PLD5: variants seen among roughly 807,000 people sequenced by gnomAD.
PLD5 encodes the protein phospholipase D family member 5.
Under a neutral mutation model 61.1 loss-of-function variants are expected in PLD5, and 36 were observed. That is an observed-to-expected ratio of 0.59 (90% CI 0.45 to 0.78). PLD5 has a LOEUF of 0.78. Among genes scored for constraint, PLD5 ranks in the 30% least tolerant of loss-of-function variants. The probability of loss-of-function intolerance (pLI) is 0.00; values close to 1 mark genes in which losing one functional copy is unlikely to be tolerated. For synonymous variants in PLD5, 243 were observed against 242.8 expected (o/e 1.00, Z -0.01); for missense variants, 515 against 644.4 (o/e 0.80, Z 2.17).
chr1:242,523,402 C>A (rs1187253312), intron 1 of PLD5, among the ~76,000 whole-genome samples: 1 of 151,930 alleles, frequency 6.6e-6, no homozygotes, highest in Non-Finnish European at 1.5e-5. Context: ...AGCCAATTCA[C>A]TTCGCGTGAA....
rs566663197 is a variant in PLD5 at position 242,106,332 on chromosome 1, G to A, written c.1239+1339C>T. 3.9e-5 allele frequency among the ~76,000 whole-genome samples: 6 copies of A among 152,352 alleles called. No homozygotes were observed. The South Asian group carries it at 1.2e-3, about 32-fold the overall frequency. On this transcript the variant is annotated intron_variant, in intron 8 of 9. Coordinates refer to ENST00000536534, the MANE Select transcript of PLD5 (RefSeq NM_001372062.1). ...TGTCCAGAAATGCACATCACTGGAA[G>A]ACTCTGTGCAGTGACTGCATGAAAC...
intron 1 of PLD5, among the ~76,000 whole-genome samples, chr1:242,523,031 G>A (rs1212971173): frequency 6.6e-6 from 1 of 152,182 alleles, no homozygotes; most frequent in Non-Finnish European, 1.5e-5. Flanking sequence ...GCAGAGCCCA[G>A]GAGGAGTGCT....
At chr1:242,152,456 T>A (rs1260400057) in intron 5 of PLD5, among the ~76,000 whole-genome samples, 2 of 152,138 alleles carry the variant, frequency 1.3e-5, no homozygotes, top group Non-Finnish European at 2.9e-5. Context: ...GGTGCACCCA[T>A]CAACCTGACA....
intron 1 of PLD5, among the ~76,000 whole-genome samples, chr1:242,388,791 C>A (rs896096202): frequency 6.6e-6 from 1 of 151,806 alleles, no homozygotes; most frequent in Admixed American, 6.6e-5. Context: ...CCCGTTTCTA[C>A]TAAAAAATAC....
intron 1 of PLD5, among the ~76,000 whole-genome samples, chr1:242,360,076 A>G (rs1436161607): frequency 6.6e-6 from 1 of 152,188 alleles, no homozygotes; most frequent in South Asian, 2.1e-4. Flanking sequence ...ATCGTAAAGC[A>G]ATATTTCCCA....
At chr1:242,215,690 C>T (rs1670141775) in intron 5 of PLD5, among the ~76,000 whole-genome samples, 1 of 152,048 alleles carries the variant, frequency 6.6e-6, no homozygotes, top group African/African-American at 2.4e-5. Flanking sequence ...TAACCCGGTA[C>T]CAGAAATGAA....
At chr1:242,310,335 T>G (rs543866865) in intron 2 of PLD5, among the ~76,000 whole-genome samples, 4 of 152,294 alleles carry the variant, frequency 2.6e-5, no homozygotes, top group African/African-American at 9.6e-5. Flanking sequence ...CCTGGATATC[T>G]TCCCAGAAAG....
intron 1 of PLD5, among the ~76,000 whole-genome samples, chr1:242,437,223 A>T (rs1392263208): frequency 1.3e-5 from 2 of 152,200 alleles, no homozygotes; most frequent in Non-Finnish European, 2.9e-5. Context: ...ACACACATTT[A>T]AATCGAAAGT....
At chr1:242,159,586 T>G (rs1665664305) in intron 5 of PLD5, among the ~76,000 whole-genome samples, 1 of 152,154 alleles carries the variant, frequency 6.6e-6, no homozygotes, top group South Asian at 2.1e-4. Flanking sequence ...GCTTTCTCCG[T>G]GATCCCGCCC....
intron 1 of PLD5, among the ~76,000 whole-genome samples, chr1:242,421,436 G>A (rs1412346581): frequency 1.3e-5 from 2 of 152,182 alleles, no homozygotes; most frequent in African/African-American, 2.4e-5. Context: ...CACTGGAGCA[G>A]AGAAGGTCAA....
At chr1:242,465,640 C>T (rs1190144302) in intron 1 of PLD5, among the ~76,000 whole-genome samples, 1 of 152,218 alleles carries the variant, frequency 6.6e-6, no homozygotes, top group African/African-American at 2.4e-5. Flanking sequence ...TCACAAATGC[C>T]AGGCACGGCC....
intron 5 of PLD5, among the ~76,000 whole-genome samples, chr1:242,130,489 T>G (rs1342680122): frequency 1.3e-5 from 2 of 152,252 alleles, no homozygotes; most frequent in Non-Finnish European, 2.9e-5. Flanking sequence ...CTGGATCGAA[T>G]GGTAATTCTA....
chr1:242,271,016 A>G (rs2149111871), intron 3 of PLD5, among the ~76,000 whole-genome samples: 1 of 152,262 alleles, frequency 6.6e-6, no homozygotes, highest in Non-Finnish European at 1.5e-5. Context: ...ACTAAAACAC[A>G]ATATGTGCAC....
intron 5 of PLD5, among the ~76,000 whole-genome samples, chr1:242,173,393 A>C (rs1666891317): frequency 6.6e-6 from 1 of 152,204 alleles, no homozygotes; most frequent in Non-Finnish European, 1.5e-5. Context: ...GTTCAACGAA[A>C]TAAAAGAGGA....
intron 5 of PLD5, among the ~76,000 whole-genome samples, chr1:242,161,084 T>C (rs551875544): frequency 5.9e-5 from 9 of 152,212 alleles, no homozygotes; most frequent in African/African-American, 1.9e-4. Context: ...AATATTTTAA[T>C]AGATAATTTT....
intron 4 of PLD5, among the ~76,000 whole-genome samples, chr1:242,258,225 C>A (rs566354606): frequency 1.3e-5 from 2 of 152,248 alleles, no homozygotes; most frequent in Non-Finnish European, 2.9e-5. Context: ...AATGCTCTAG[C>A]CATCAAGGGG....
At chr1:242,148,038 C>G (rs1664657259) in intron 5 of PLD5, among the ~76,000 whole-genome samples, 1 of 152,044 alleles carries the variant, frequency 6.6e-6, no homozygotes, top group African/African-American at 2.4e-5. Flanking sequence ...TTCAATGTAT[C>G]CATCCTTTCC....
intron 5 of PLD5, among the ~76,000 whole-genome samples, chr1:242,219,589 T>C (rs1357206292): frequency 1.3e-5 from 2 of 152,230 alleles, no homozygotes; most frequent in African/African-American, 4.8e-5. Flanking sequence ...ATCTTCATCT[T>C]GAGATTAAAG....
chr1:242,144,264 A>T (rs142636968), intron 5 of PLD5, among the ~76,000 whole-genome samples: 2,834 of 29,940 alleles, frequency 0.095, 44 homozygotes, highest in African/African-American at 0.26. Context: ...TTTTTTTTTT[A>T]AAATATTATT....
Sources: gnomAD v4.1 joint callset for allele counts (sites outside exome capture counted in the v4.1 genomes callset) on GRCh38, gnomAD v4.1.1 for gene constraint, MANE v1.5 for transcripts, NCBI Gene and HGNC (gene_info 2026-07-23, HGNC 2026-07-21) for gene names.